ATRNL1: variants seen among roughly 807,000 people sequenced by gnomAD.
The protein encoded by ATRNL1 is attractin like 1, also known as attractin-like protein 1.
ATRNL1 carries 95 observed loss-of-function variants against 182.7 expected under a neutral mutation model. The observed-to-expected ratio is 0.52, with a 90% CI of 0.44 to 0.62. The LOEUF is 0.62. Ranked by LOEUF, ATRNL1 falls within the 20% of genes least tolerant of loss-of-function variation. ATRNL1 has a pLI of 0.00. For missense variants in ATRNL1, 1,471 were observed against 1,679.5 expected (o/e 0.88, Z 2.17); for synonymous variants, 576 against 568.3 (o/e 1.01, Z -0.19).
At chr10:115,296,750 T>C (rs2133965500) in intron 15 of ATRNL1, among the ~76,000 whole-genome samples, 1 of 152,280 alleles carries the variant, frequency 6.6e-6, no homozygotes, top group South Asian at 2.1e-4. Context: ...ATATGAACAG[T>C]TGATTCAGGA....
intron 26 of ATRNL1, among the ~76,000 whole-genome samples, chr10:115,653,799 C>A (rs1475382762): frequency 6.6e-6 from 1 of 152,176 alleles, no homozygotes; most frequent in Non-Finnish European, 1.5e-5. Context: ...CCAAAACAAT[C>A]CTGCACAGTG....
intron 27 of ATRNL1, among the ~76,000 whole-genome samples, chr10:115,812,742 G>A (rs146067986): frequency 0.01 from 1,571 of 152,078 alleles, 34 homozygotes; most frequent in African/African-American, 0.036. Context: ...CTCCCAAAGT[G>A]CTGGGATTAG....
Position 115,947,913 on chromosome 10 carries a change from T to C in ATRNL1, c.*3134T>C, listed in dbSNP as rs1953911568. The C allele has an allele frequency of 6.6e-6, 1 of 152,332 alleles. No individual in the cohort carries two copies. The highest frequency in any genetic ancestry group is 1.9e-4 in the East Asian group (1 of 5,178). The allele number at this position is 152,332 out of a possible 1,614,324, so 9.4% of individuals were successfully genotyped here. On this transcript the variant is annotated 3_prime_UTR_variant, in exon 29 of 29. Transcript: ENST00000355044. ...CCTTTCGAGGCATTGCGAGGCTAGA[T>C]GGTAACACACAGAAAGCTCCCACAG...
In ATRNL1 at chr10:115,129,497, C is replaced by G. The variant is rs1339085436; in HGVS notation, c.791C>G (p.Thr264Ser). ...CCAGATCACGGTTACTGTGACCTGA[C>G]TGGAGAAAAATTATGTGTCTGCAAT... ...GSPDHGYCDL[T>S]GEKLCVCNDS... Residue 264 changes from threonine to serine, a missense_variant, in exon 5 of 29, where the codon ACT becomes AGT. This residue lies in a region of ATRNL1 where 1,031 missense variants were observed against 1,156.0 expected (regional missense o/e 0.89). Transcript: ENST00000355044. 2.5e-6 allele frequency: 4 copies of G among 1,613,914 alleles called. No individual in the cohort carries two copies. The highest frequency in any genetic ancestry group is 3.4e-6 in the Non-Finnish European group (4 of 1,180,002).
At chr10:115,389,542 A>ATATATATATATG (rs1843874736) in intron 19 of ATRNL1, among the ~76,000 whole-genome samples, 2 of 10,278 alleles carry the variant, frequency 1.9e-4, no homozygotes, top group Admixed American at 1.9e-3. Context: ...GTGTATGTGT[A>ATATATATATATG]TATATATATA....
intron 27 of ATRNL1, among the ~76,000 whole-genome samples, chr10:115,814,020 C>G (rs1460078842): frequency 6.6e-6 from 1 of 151,940 alleles, no homozygotes; most frequent in Non-Finnish European, 1.5e-5. Context: ...TATGTTGGTG[C>G]TAAGAATCTA....
intron 24 of ATRNL1, among the ~76,000 whole-genome samples, chr10:115,471,502 A>G (rs1592705801): frequency 6.6e-6 from 1 of 151,042 alleles, no homozygotes. Context: ...CCATTCTAAC[A>G]CTTGTTATCT....
At position 115,120,218 on chromosome 10, in the gene ATRNL1, C is replaced by A; in HGVS notation, c.327C>A (p.Gly109=). 2 of 1,576,006 alleles carry A rather than the reference C, an allele frequency of 1.3e-6. No homozygotes were observed. Among genetic ancestry groups the A allele is most frequent in the Non-Finnish European group, 1.7e-6 (2 of 1,148,598 alleles). The change falls in exon 2 of 29, where the codon GGC becomes GGA. Residue 109 remains glycine, a synonymous_variant. Coordinates refer to ENST00000355044, the MANE Select transcript of ATRNL1 (RefSeq NM_207303.4). ...AACCTTCTGGATATTTAACAGATGG[C>A]CCAATTAACTATAAATATAAAACTA... ...LTEPSGYLTD[G]PINYKYKTKC...
chr10:115,594,583 C>A (rs779160606), intron 26 of ATRNL1, among the ~76,000 whole-genome samples: 2 of 152,128 alleles, frequency 1.3e-5, no homozygotes, highest in South Asian at 2.1e-4. Context: ...CGTGGCTCAC[C>A]GCAATCTCCG....
At chr10:115,527,967 T>A (rs1851325955) in intron 25 of ATRNL1, among the ~76,000 whole-genome samples, 1 of 70,872 alleles carries the variant, frequency 1.4e-5, no homozygotes, top group African/African-American at 6.7e-5. Context: ...CTTCCCTCCC[T>A]CCCTCCTTCC....
At chr10:115,383,435 G>A (rs1858145124) in intron 19 of ATRNL1, among the ~76,000 whole-genome samples, 1 of 151,748 alleles carries the variant, frequency 6.6e-6, no homozygotes, top group African/African-American at 2.4e-5. Context: ...AAAGTAACAT[G>A]CATGCTAGAT....
intron 27 of ATRNL1, among the ~76,000 whole-genome samples, chr10:115,730,380 G>A (rs113820144): frequency 2.7e-5 from 4 of 150,086 alleles, no homozygotes; most frequent in Non-Finnish European, 5.9e-5. Context: ...AATTGAATAT[G>A]AAATTTTAGG....
intron 27 of ATRNL1, among the ~76,000 whole-genome samples, chr10:115,784,599 T>A (rs1949350403): frequency 6.6e-6 from 1 of 152,220 alleles, no homozygotes; most frequent in Non-Finnish European, 1.5e-5. Flanking sequence ...AATCAAGATG[T>A]CAACAGGGTT....
chr10:115,457,609 C>T (rs996055125), intron 21 of ATRNL1, among the ~76,000 whole-genome samples: 1 of 151,822 alleles, frequency 6.6e-6, no homozygotes, highest in Non-Finnish European at 1.5e-5. Context: ...TTTCCCAACC[C>T]CTCATCCTCC....
intron 15 of ATRNL1, among the ~76,000 whole-genome samples, chr10:115,289,895 A>G (rs1362873339): frequency 6.6e-6 from 1 of 151,968 alleles, no homozygotes; most frequent in Non-Finnish European, 1.5e-5. Flanking sequence ...AGGTTTTAGG[A>G]TTGCTTTTCC....
chr10:115,227,783 G>A (rs2144498767), intron 9 of ATRNL1, among the ~76,000 whole-genome samples: 1 of 152,152 alleles, frequency 6.6e-6, no homozygotes, highest in South Asian at 2.1e-4. Flanking sequence ...GGATGCAGTT[G>A]GAGGCCATAA....
rs1554994922 is a variant in ATRNL1, at chr10:115,549,532, G to C, written c.3791G>C (p.Arg1264Thr). Residue 1264 changes from arginine (R) to threonine (T), a missense_variant, in exon 26 of 29, where the codon AGA becomes ACA. By Grantham distance (71) the Arg-to-Thr change is moderately conservative. This residue lies in a region of ATRNL1 where 437 missense variants were observed against 506.0 expected (regional missense o/e 0.86). Coordinates refer to ENST00000355044, the MANE Select transcript of ATRNL1 (RefSeq NM_207303.4). Reference protein sequence around the residue: ...IKQTCWASRRREQLLRERQQM... With the variant: ...IKQTCWASRRTEQLLRERQQM... The stretch of plus-strand genomic sequence containing the variant: ...CAAACTTGTTGGGCTTCTCGACGGA[G>C]AGAGGTATCAGTAATATTATTTAAT... 1 of 1,587,288 alleles carries C rather than the reference G, an allele frequency of 6.3e-7. No homozygotes were observed. The highest frequency in any genetic ancestry group is 8.6e-7 in the Non-Finnish European group (1 of 1,164,608).
At chr10:115,935,852 A>G (rs982645664) in intron 28 of ATRNL1, among the ~76,000 whole-genome samples, 3 of 152,180 alleles carry the variant, frequency 2.0e-5, no homozygotes, top group Admixed American at 6.5e-5. Context: ...CTATTTTGCC[A>G]TTATCACTTT....
intron 27 of ATRNL1, among the ~76,000 whole-genome samples, chr10:115,831,401 T>C (rs782192734): frequency 3.9e-5 from 6 of 152,150 alleles, no homozygotes; most frequent in Non-Finnish European, 8.8e-5. Context: ...TTTTAACAGA[T>C]TTTATTTGTC....
Sources: gnomAD v4.1 joint callset for allele counts (sites outside exome capture counted in the v4.1 genomes callset) on GRCh38, gnomAD v4.1.1 for gene constraint, gnomAD v4.1.1 regional missense constraint, MANE v1.5 for transcripts, NCBI Gene and HGNC (gene_info 2026-07-23, HGNC 2026-07-21) for gene names.